Variants in KCNIP4 observed in about 807,000 individuals in gnomAD.
KCNIP4 encodes potassium voltage-gated channel interacting protein 4, also known as Kv channel-interacting protein 4.
In KCNIP4, 12 loss-of-function variants were observed where a neutral mutation model predicts 34.0. The ratio of observed to expected loss-of-function variants is 0.35; its 90% CI spans 0.23 to 0.57. The LOEUF (loss-of-function observed/expected upper bound fraction) is 0.57. Ranked by LOEUF, KCNIP4 falls within the 20% of genes least tolerant of loss-of-function variation. KCNIP4 has a pLI of 0.83. For synonymous variants in KCNIP4, 124 were observed against 102.2 expected, an observed-to-expected ratio of 1.21 and a Z score of -1.29; for missense variants, 238 against 311.7, an observed-to-expected ratio of 0.76 and a Z score of 1.78.
intron 1 of KCNIP4, among the ~76,000 whole-genome samples, chr4:21,070,731 G>A (rs969620936): frequency 1.3e-4 from 17 of 129,416 alleles, no homozygotes; most frequent in Admixed American, 1.2e-3. Context: ...GCTGGAGTGC[G>A]GTGGTGCAAT....
chr4:21,058,897 A>G (rs1451704020), intron 1 of KCNIP4, among the ~76,000 whole-genome samples: 1 of 152,050 alleles, frequency 6.6e-6, no homozygotes, highest in Admixed American at 6.6e-5. Context: ...CCCAAATCTC[A>G]TCTTGAATTG....
intron 1 of KCNIP4, among the ~76,000 whole-genome samples, chr4:21,716,847 G>T (rs1358359080): frequency 6.6e-6 from 1 of 152,060 alleles, no homozygotes; most frequent in Non-Finnish European, 1.5e-5. Context: ...TCCTTTTGGG[G>T]TGACTGACTA....
chr4:21,740,201 C>T (rs1412405399), intron 1 of KCNIP4, among the ~76,000 whole-genome samples: 1 of 152,000 alleles, frequency 6.6e-6, no homozygotes, highest in Non-Finnish European at 1.5e-5. Context: ...TAGACATGCA[C>T]AAACATACAC....
chr4:21,663,091 G>A (rs1748568542), intron 1 of KCNIP4, among the ~76,000 whole-genome samples: 1 of 152,114 alleles, frequency 6.6e-6, no homozygotes, highest in African/African-American at 2.4e-5. Flanking sequence ...AGGATATCAG[G>A]GAAAAGGAAA....
chr4:20,732,651 T>A, intron 7 of KCNIP4, 30 bp downstream of exon 7: 1 of 1,411,630 alleles, frequency 7.1e-7, no homozygotes, highest in Non-Finnish European at 1.0e-6. Flanking sequence ...CCTAACTTCA[T>A]GCCCTCTTGA....
intron 1 of KCNIP4, among the ~76,000 whole-genome samples, chr4:21,752,343 T>TTG (rs1238319564): frequency 1.3e-5 from 2 of 152,072 alleles, no homozygotes; most frequent in African/African-American, 2.4e-5. Context: ...GCAAGCAAGC[T>TTG]TGTACCTTCT....
intron 3 of KCNIP4, among the ~76,000 whole-genome samples, chr4:20,807,405 T>C (rs1338548620): frequency 1.3e-5 from 2 of 152,078 alleles, no homozygotes; most frequent in African/African-American, 2.4e-5. Flanking sequence ...ACAAGAGGGG[T>C]TGGCAAACTG....
At chr4:21,259,901 G>GTGTA (rs1761344364) in intron 1 of KCNIP4, among the ~76,000 whole-genome samples, 1 of 151,748 alleles carries the variant, frequency 6.6e-6, no homozygotes. Context: ...GTGTGTGTGT[G>GTGTA]TGTGTGTGTG....
intron 1 of KCNIP4, among the ~76,000 whole-genome samples, chr4:21,331,829 A>G (rs1407371492): frequency 1.3e-5 from 2 of 152,046 alleles, no homozygotes; most frequent in Non-Finnish European, 2.9e-5. Flanking sequence ...CTGTCATCCT[A>G]GAATATGGGA....
chr4:21,386,784 G>A (rs1452024372), intron 1 of KCNIP4, among the ~76,000 whole-genome samples: 2 of 152,218 alleles, frequency 1.3e-5, no homozygotes, highest in Middle Eastern at 3.4e-3. Flanking sequence ...ATAGATCTTT[G>A]GAGGGGCAGC....
intron 1 of KCNIP4, among the ~76,000 whole-genome samples, chr4:21,932,497 C>G (rs1238289482): frequency 6.6e-6 from 1 of 152,030 alleles, no homozygotes; most frequent in Non-Finnish European, 1.5e-5. Context: ...TTGCACATTG[C>G]TGATAGTTCT....
intron 1 of KCNIP4, among the ~76,000 whole-genome samples, chr4:21,754,997 A>G (rs955475629): frequency 3.1e-4 from 47 of 152,298 alleles, no homozygotes; most frequent in African/African-American, 1.1e-3. Flanking sequence ...AAATACAAAA[A>G]TTAGCCAGGC....
At chr4:21,147,665 G>A (rs976822528) in intron 1 of KCNIP4, among the ~76,000 whole-genome samples, 7 of 151,934 alleles carry the variant, frequency 4.6e-5, no homozygotes, top group South Asian at 2.1e-4. Context: ...TTGGCCAGGC[G>A]CGGTGGCTCA....
At chr4:21,665,459 G>T (rs1264709069) in intron 1 of KCNIP4, among the ~76,000 whole-genome samples, 1 of 151,704 alleles carries the variant, frequency 6.6e-6, no homozygotes, top group East Asian at 1.9e-4. Context: ...AACTTAAAAA[G>T]AAGTCAGGAA....
At chr4:21,430,763 T>C (rs1345664125) in intron 1 of KCNIP4, among the ~76,000 whole-genome samples, 1 of 139,350 alleles carries the variant, frequency 7.2e-6, no homozygotes, top group Non-Finnish European at 1.5e-5. Flanking sequence ...CCCAAGGTCA[T>C]TGAGGTGGCT....
At chr4:21,551,050 C>A (rs1303545497) in intron 1 of KCNIP4, among the ~76,000 whole-genome samples, 1 of 151,864 alleles carries the variant, frequency 6.6e-6, no homozygotes, top group East Asian at 1.9e-4. Context: ...CAAAAACATG[C>A]AAACATGAGC....
intron 1 of KCNIP4, among the ~76,000 whole-genome samples, chr4:21,453,371 T>C (rs1004207290): frequency 6.6e-6 from 1 of 152,216 alleles, no homozygotes; most frequent in Middle Eastern, 3.4e-3. Context: ...ATTGAATTCC[T>C]CCAGCAATCT....
intron 3 of KCNIP4, among the ~76,000 whole-genome samples, chr4:20,815,123 T>C (rs1716220734): frequency 6.6e-6 from 1 of 152,184 alleles, no homozygotes; most frequent in African/African-American, 2.4e-5. Flanking sequence ...TTGTAATGCC[T>C]CCTATATCAG....
chr4:21,809,588 C>G (rs1449184160), intron 1 of KCNIP4, among the ~76,000 whole-genome samples: 3 of 152,166 alleles, frequency 2.0e-5, no homozygotes, highest in African/African-American at 7.2e-5. Flanking sequence ...TCTTTCCAGG[C>G]TTCATCATGC....
Sources: allele counts gnomAD v4.1 joint callset (sites outside exome capture counted in the v4.1 genomes callset), GRCh38; gene constraint gnomAD v4.1.1; transcripts MANE v1.5; gene names NCBI Gene and HGNC (gene_info 2026-07-23, HGNC 2026-07-21).